XG: variants seen among roughly 807,000 people sequenced by gnomAD.
XG encodes the protein Xg glycoprotein (Xg blood group).
A neutral mutation model predicts 25.7 loss-of-function variants in XG; 24 were observed. The ratio of observed to expected loss-of-function variants is 0.93; its 90% CI spans 0.68 to 1.31. The LOEUF is 1.31. XG is among the 40% of genes most tolerant of loss of function. The probability of loss-of-function intolerance (pLI) is 0.00; values close to 1 mark genes in which losing one functional copy is unlikely to be tolerated. For synonymous variants in XG, 77 were observed against 69.2 expected (o/e 1.11, Z -0.56); for missense variants, 181 against 187.6 (o/e 0.96, Z 0.21).
intron 6 of XG, 75 bp from the exon 7 acceptor site, chrX:2,797,235 A>C (rs2086893752): frequency 1.8e-6 from 2 of 1,083,062 alleles, no homozygotes; most frequent in East Asian, 6.1e-5. Context: ...AATGAGCTGG[A>C]CAGACCAACA....
At chrX:2,789,736 T>C (rs1569040581) in intron 5 of XG, 30 bp downstream of exon 5, 4 of 684,123 alleles carry the variant, frequency 5.8e-6, no homozygotes, top group Non-Finnish European at 7.7e-6. Context: ...TTATTTTTAT[T>C]TTATTTTATT....
At position 2,752,892 on chromosome X, in the gene XG, T is replaced by C. The variant is rs2050364356; in HGVS notation, c.61+557T>C. ...TCACATCAAAAACTTCGATATAAAC[T>C]TGCAGGCTGGCTGTCCCAGATCCAA... is the stretch of plus-strand genomic sequence containing the variant. On this transcript the variant is annotated intron_variant, in intron 1 of 10. Transcript: ENST00000644266. 6 of 984,776 alleles carry C rather than the reference T, an allele frequency of 6.1e-6. No individual in the cohort carries two copies. In the Admixed American group the frequency reaches 2.5e-4, roughly 40 times the overall value. 61.0% of individuals were successfully genotyped at this position (984,776 alleles called of 1,614,324 possible).
intron 5 of XG, among the ~76,000 whole-genome samples, chrX:2,792,820 CACTT>C (rs1255285994): frequency 5.4e-5 from 6 of 111,238 alleles, no homozygotes; most frequent in African/African-American, 2.0e-4. Context: ...TAGGGGCACT[CACTT>C]ACCGGCAGTC....
chrX:2,769,633 A>G (rs2050770629), intron 1 of XG, among the ~76,000 whole-genome samples: 1 of 152,200 alleles, frequency 6.6e-6, no homozygotes, highest in African/African-American at 2.4e-5. Flanking sequence ...AACAAGATCA[A>G]GGTGTGCATA....
At chrX:2,781,372 GAGGGTA>G (rs1231504365) in intron 3 of XG, among the ~76,000 whole-genome samples, 1 of 151,420 alleles carries the variant, frequency 6.6e-6, no homozygotes, top group Non-Finnish European at 1.5e-5. Flanking sequence ...GAGACAACAT[GAGGGTA>G]ATCACCCCGG....
rs1365944649 is a variant in XG at position 2,811,352 on chromosome X, A to T, written c.471A>T (p.Lys157Asn). The T allele has an allele frequency of 2.5e-6, 3 of 1,208,233 alleles. No individual in the cohort carries two copies. The change falls in exon 10 of 11, where the codon AAA becomes AAT. Residue 157 changes from lysine (K) to asparagine (N), a missense_variant. Physicochemically the swap from Lys to Asn is moderately conservative, Grantham distance 94. Coordinates refer to ENST00000644266, the MANE Select transcript of XG (RefSeq NM_001141919.2). ...YGNPEGNMVA[K>N]IVSPIVSVVV... ...CTCCTGCAGGCAATATGGTAGCAAA[A>T]ATCGTGTCTCCCATCGTATCCGTGG...
chrX:2,794,719 G>A, intron 6 of XG, 116 bp downstream of exon 6: 2 of 853,733 alleles, frequency 2.3e-6, no homozygotes, highest in Non-Finnish European at 3.3e-6. Context: ...GTGACGAGCA[G>A]ACGATAAGCT....
intron 7 of XG, among the ~76,000 whole-genome samples, chrX:2,797,586 GCACACACACA>G (rs755459001): frequency 9.8e-6 from 1 of 102,560 alleles, no homozygotes; most frequent in East Asian, 3.0e-4. Flanking sequence ...ATACACACAT[GCACACACACA>G]CACACACACA....
At chrX:2,786,845 G>A (rs1362240789) in intron 4 of XG, among the ~76,000 whole-genome samples, 10 of 111,538 alleles carry the variant, frequency 9.0e-5, no homozygotes, top group African/African-American at 3.3e-4. Context: ...ACAGGGAGAA[G>A]ACGGCATCTA....
At chrX:2,810,777 AT>A (rs1190870843) in intron 9 of XG, among the ~76,000 whole-genome samples, 2 of 110,583 alleles carry the variant, frequency 1.8e-5, no homozygotes, top group Non-Finnish European at 3.8e-5. Flanking sequence ...TTAGTTGGGC[AT>A]GGTGGCATAC....
intron 1 of XG, among the ~76,000 whole-genome samples, chrX:2,765,523 G>A (rs765749616): frequency 7.9e-5 from 12 of 152,282 alleles, no homozygotes; most frequent in African/African-American, 2.4e-4. Context: ...GTGGTTGCAC[G>A]TCCCGTAATG....
At chrX:2,772,735 A>G (rs1367015657) in intron 2 of XG, among the ~76,000 whole-genome samples, 1 of 152,248 alleles carries the variant, frequency 6.6e-6, no homozygotes, top group Non-Finnish European at 1.5e-5. Flanking sequence ...TTTAAAAATC[A>G]CATAAATAAA....
intron 2 of XG, among the ~76,000 whole-genome samples, chrX:2,773,631 GA>G (rs2050894629): frequency 1.4e-4 from 2 of 14,788 alleles, no homozygotes; most frequent in African/African-American, 2.4e-4. Flanking sequence ...AGGAAGGAGA[GA>G]AGGAAGGAAG....
chrX:2,776,990 C>T (rs188769320), intron 3 of XG, among the ~76,000 whole-genome samples: 147 of 152,296 alleles, frequency 9.7e-4, no homozygotes, highest in African/African-American at 3.3e-3. Flanking sequence ...GAAAATGCAG[C>T]TAAATTGCTG....
intron 9 of XG, chrX:2,808,540 G>C (rs1431953380): frequency 1.3e-6 from 1 of 751,483 alleles, no homozygotes; most frequent in Non-Finnish European, 1.6e-6. Context: ...TCTTTGACCA[G>C]CACTAACTTG....
chrX:2,765,220 G>T (rs312222), intron 1 of XG, among the ~76,000 whole-genome samples: 1 of 150,806 alleles, frequency 6.6e-6, no homozygotes, highest in Admixed American at 6.6e-5. Flanking sequence ...AGTAGGGGGC[G>T]CCTGTAATCC....
At chrX:2,808,262 A>G in intron 9 of XG, 42 bp downstream of exon 9, 3 of 1,198,568 alleles carry the variant, frequency 2.5e-6, no homozygotes, top group Non-Finnish European at 3.4e-6. Context: ...TAATAAGAGC[A>G]CACTCTCCTA....
intron 7 of XG, among the ~76,000 whole-genome samples, chrX:2,801,859 C>T (rs1480236725): frequency 9.9e-5 from 11 of 110,959 alleles, no homozygotes. Flanking sequence ...CAGGCGCCCG[C>T]CACCACGCCT....
In XG at chrX:2,785,101, G is replaced by A. The variant is rs185570042; in HGVS notation, c.190+2973G>A. On this transcript the variant is annotated intron_variant, in intron 4 of 10. Coordinates refer to ENST00000644266, the MANE Select transcript of XG (RefSeq NM_001141919.2). ...ATCTGGAAATGCGGGACAACTGGAA[G>A]CAGGGGCTTCCAGGTCACAGGAAGA... Among the ~76,000 whole-genome samples, 292 of 112,052 alleles carry A rather than the reference G, an allele frequency of 2.6e-3. 1 individual carries two copies. The highest frequency in any genetic ancestry group is 9.1e-3 in the African/African-American group (281 of 30,889).
Sources: gnomAD v4.1 joint callset for allele counts (sites outside exome capture counted in the v4.1 genomes callset) on GRCh38, gnomAD v4.1.1 for gene constraint, MANE v1.5 for transcripts, NCBI Gene and HGNC (gene_info 2026-07-23, HGNC 2026-07-21) for gene names.